The following MTARC2 variants were observed in gnomAD, a reference collection of about 807,000 sequenced individuals.
MTARC2 encodes the protein MOCO sulphurase C-terminal domain containing 2.
MTARC2 carries 27 observed loss-of-function variants against 35.6 expected under a neutral mutation model. The ratio of observed to expected loss-of-function variants is 0.76; its 90% CI spans 0.56 to 1.04. The LOEUF is 1.04. Ranked by LOEUF, MTARC2 falls within the 50% of genes least tolerant of loss-of-function variation. The pLI is 0.00. For synonymous variants in MTARC2, 158 were observed against 167.1 expected (o/e 0.95, Z 0.42); for missense variants, 412 against 432.5 (o/e 0.95, Z 0.42).
chr1:220,749,197 C>G (rs1269679714), intron 1 of MTARC2, among the ~76,000 whole-genome samples: 1 of 152,150 alleles, frequency 6.6e-6, no homozygotes, highest in East Asian at 1.9e-4. Flanking sequence ...TTAGGCCTTG[C>G]TGGGCCTTGT....
At chr1:220,758,586 AT>A (rs1235294851) in intron 2 of MTARC2, among the ~76,000 whole-genome samples, 1 of 151,832 alleles carries the variant, frequency 6.6e-6, no homozygotes, top group Non-Finnish European at 1.5e-5. Context: ...CACCCGGCTA[AT>A]TTTTGTATTT....
chr1:220,772,683 G>GGTGTATGTGTGTGTGTTTGT (rs774757503), intron 4 of MTARC2, among the ~76,000 whole-genome samples: 3 of 147,956 alleles, frequency 2.0e-5, no homozygotes, highest in East Asian at 3.9e-4. Flanking sequence ...CTCTGGGCAG[G>GGTGTATGTGTGTGTGTTTGT]GTGTGTGTGT....
rs1558068053 is a variant in MTARC2, at chr1:220,762,914, C to T, written c.614C>T (p.Ala205Val). 1.2e-6 allele frequency: 2 copies of T among 1,614,090 alleles called. No individual in the cohort carries two copies. The highest frequency in any genetic ancestry group is 1.7e-6 in the Non-Finnish European group (2 of 1,179,990). ...LPTLDQNFQVAYPDYCPLLIM... is the reference protein window; with the variant it reads ...LPTLDQNFQVVYPDYCPLLIM... Reference sequence around the variant, plus strand: ...CTATCCTGTGTTCTTGGCAAGGTGGCCTACCCAGACTACTGCCCGCTCCTG... The same window carrying T: ...CTATCCTGTGTTCTTGGCAAGGTGGTCTACCCAGACTACTGCCCGCTCCTG... Residue 205 changes from alanine to valine, a missense_variant, in exon 4 of 8, where the codon GCC (alanine) becomes GTC (valine). Coordinates refer to ENST00000366913, the MANE Select transcript of MTARC2 (RefSeq NM_017898.5).
At chr1:220,768,462 AG>A (rs1197668842) in intron 4 of MTARC2, among the ~76,000 whole-genome samples, 1 of 152,150 alleles carries the variant, frequency 6.6e-6, no homozygotes, top group Admixed American at 6.6e-5. Context: ...AGAGAAGTTG[AG>A]TAACTTGCTC....
chr1:220,751,724 G>A (rs1558062049), intron 1 of MTARC2, among the ~76,000 whole-genome samples: 2 of 152,180 alleles, frequency 1.3e-5, no homozygotes, highest in East Asian at 1.9e-4. Context: ...TTGGGGAATC[G>A]GGGCTCCAGG....
rs531536844 is a variant in MTARC2, at chr1:220,778,707, T to C, written c.751-1311T>C. The stretch of plus-strand genomic sequence containing the variant: ...ATGCCGCTCCAGCATGTTGACTTTT[T>C]TGAGTTAAGAACACTTGAAAAACAG... On this transcript the variant is annotated intron_variant, in intron 4 of 7. Coordinates refer to ENST00000366913, the MANE Select transcript of MTARC2 (RefSeq NM_017898.5). 8.6e-4 allele frequency among the ~76,000 whole-genome samples: 131 copies of C among 152,296 alleles called. 1 individual carries two copies. The highest frequency in any genetic ancestry group is 5.6e-4 in the Non-Finnish European group (38 of 68,022).
At chr1:220,773,428 A>C (rs1410448661) in intron 4 of MTARC2, among the ~76,000 whole-genome samples, 1 of 152,134 alleles carries the variant, frequency 6.6e-6, no homozygotes, top group African/African-American at 2.4e-5. Context: ...CCTTTATAAT[A>C]AGTCAGGAAC....
In MTARC2 at chr1:220,748,723, G is replaced by A. The variant is rs781105931; in HGVS notation, c.192G>A (p.Pro64=). The A allele has an allele frequency of 5.6e-6, 9 of 1,599,912 alleles. No homozygotes were observed. Among genetic ancestry groups the A allele is most frequent in the South Asian group, 1.1e-5 (1 of 89,142 alleles). ...CCGTGGCGAAGCTCTGGATCTACCC[G>A]GTGAAATCCTGCAAAGGGGTGCCGG... is the stretch of plus-strand genomic sequence containing the variant. ...VGTVAKLWIY[P]VKSCKGVPVS... is the part of the protein sequence containing the mutation. The change falls in exon 1 of 8, where the codon CCG becomes CCA. Residue 64 remains proline (P), a synonymous_variant. Coordinates refer to ENST00000366913, the MANE Select transcript of MTARC2 (RefSeq NM_017898.5).
At chr1:220,770,405 A>G in intron 4 of MTARC2, 1 of 985,420 alleles carries the variant, frequency 1.0e-6, no homozygotes, top group Non-Finnish European at 1.2e-6. Context: ...GTGTCTTCAG[A>G]GACGGTGGTG....
rs1382919224 is a variant in MTARC2 at position 220,780,166 on chromosome 1, A to G, written c.813-2A>G. ...ACCTAACCCTTGGTTACTGCATAAC[A>G]GGTGTATTTTGACAACGGTGGACCC... On this transcript the variant is annotated splice_acceptor_variant, in intron 5 of 7. Coordinates refer to ENST00000366913, the MANE Select transcript of MTARC2 (RefSeq NM_017898.5). LOFTEE classifies it high-confidence loss of function. 6.2e-7 allele frequency: 1 copy of G among 1,612,902 alleles called. No homozygotes were observed. Among genetic ancestry groups the G allele is most frequent in the Non-Finnish European group, 8.5e-7 (1 of 1,179,624 alleles).
chr1:220,775,699 C>T (rs566107275), intron 4 of MTARC2, among the ~76,000 whole-genome samples: 3,619 of 152,266 alleles, frequency 0.024, 109 homozygotes, highest in African/African-American at 0.064. Flanking sequence ...CTCAAGTAGG[C>T]TCCCGTGTCT....
At position 220,781,949 on chromosome 1, in the gene MTARC2, G is replaced by A. The variant is rs1187769801; in HGVS notation, c.*31+17G>A. ...GGTGATATGGTAAAGGGTCAGCTTT[G>A]CTTCTGAATACGCTGTCTTGAAGCC... On this transcript the variant is annotated intron_variant, in intron 7 of 7. Transcript: ENST00000366913. 1 of 1,589,572 alleles carries A rather than the reference G, an allele frequency of 6.3e-7. No homozygotes were observed. Among genetic ancestry groups the A allele is most frequent in the Non-Finnish European group, 8.6e-7 (1 of 1,165,834 alleles).
Position 220,753,398 on chromosome 1 carries a change from C to T in MTARC2, c.273-1549C>T, listed in dbSNP as rs574178538. 3.9e-5 allele frequency among the ~76,000 whole-genome samples: 6 copies of T among 152,320 alleles called. No homozygotes were observed. The South Asian group carries it at 1.2e-3, about 32-fold the overall frequency. On this transcript the variant is annotated intron_variant, in intron 1 of 7. Transcript: ENST00000366913. ...ATGCCAGTTAGCAGAGCACAGGCTG[C>T]CAGCCATTGTCTTCTGGTGTGGTTG...
chr1:220,753,325 G>A (rs142667812), intron 1 of MTARC2, among the ~76,000 whole-genome samples: 19 of 152,350 alleles, frequency 1.2e-4, no homozygotes, highest in African/African-American at 4.6e-4. Flanking sequence ...TTGGAAGCAG[G>A]TAGTCAAGAC....
intron 4 of MTARC2, among the ~76,000 whole-genome samples, chr1:220,769,895 C>A (rs1174158670): frequency 1.5e-5 from 2 of 131,456 alleles, no homozygotes; most frequent in Non-Finnish European, 3.1e-5. Flanking sequence ...TCGAGACCAT[C>A]CTGGCTAACA....
chr1:220,762,119 G>A (rs1004432592), intron 3 of MTARC2, among the ~76,000 whole-genome samples: 3 of 152,164 alleles, frequency 2.0e-5, no homozygotes, highest in African/African-American at 7.2e-5. Context: ...AGAGAAAACT[G>A]GCTGGAGAAA....
chr1:220,779,382 T>C (rs1463576211), intron 4 of MTARC2, among the ~76,000 whole-genome samples: 1 of 152,230 alleles, frequency 6.6e-6, no homozygotes, highest in Non-Finnish European at 1.5e-5. Flanking sequence ...GAGACAATTT[T>C]GTATCTCTCT....
chr1:220,772,383 A>G (rs771741286), intron 4 of MTARC2, among the ~76,000 whole-genome samples: 4 of 152,208 alleles, frequency 2.6e-5, no homozygotes, highest in Admixed American at 6.5e-5. Context: ...TGGCATTGCT[A>G]TAATTTTTAC....
chr1:220,783,167 T>A (rs1672128248), intron 7 of MTARC2, among the ~76,000 whole-genome samples: 1 of 152,232 alleles, frequency 6.6e-6, no homozygotes, highest in Admixed American at 6.5e-5. Flanking sequence ...CTGATATCAG[T>A]CAGCTTCTTA....
Sources: allele counts gnomAD v4.1 joint callset (sites outside exome capture counted in the v4.1 genomes callset), GRCh38; gene constraint gnomAD v4.1.1; transcripts MANE v1.5; gene names NCBI Gene and HGNC (gene_info 2026-07-23, HGNC 2026-07-21).